The following CLASP1 variants were observed in gnomAD, a reference collection of about 807,000 sequenced individuals.
CLASP1 encodes cytoplasmic linker associated protein 1.
Under a neutral mutation model 192.3 loss-of-function variants are expected in CLASP1, and 38 were observed. The ratio of observed to expected loss-of-function variants is 0.20; its 90% CI spans 0.15 to 0.26. The LOEUF is 0.26. Ranked by LOEUF, CLASP1 falls within the 10% of genes least tolerant of loss-of-function variation. CLASP1 has a pLI of 1.00. For missense variants in CLASP1, 1,433 were observed against 1,932.5 expected (o/e 0.74, Z 4.85); for synonymous variants, 691 against 712.8 (o/e 0.97, Z 0.49).
intron 1 of CLASP1, among the ~76,000 whole-genome samples, chr2:121,608,632 G>A (rs1219658110): frequency 2.0e-5 from 3 of 152,142 alleles, no homozygotes; most frequent in African/African-American, 7.2e-5. Context: ...AGTTATGCCA[G>A]TAAGTGTAAG....
In CLASP1 at chr2:121,365,298, C is replaced by G; in HGVS notation, c.3887-14G>C. ...GGTCGATGGGCACTGGTGAAACACA[C>G]CAGACATACGTCACCTCGTGAGGAA... is the stretch of plus-strand genomic sequence containing the variant. On this transcript the variant is annotated splice_polypyrimidine_tract_variant and intron_variant, in intron 35 of 39. Transcript: ENST00000263710. 6.2e-7 allele frequency: 1 copy of G among 1,607,704 alleles called. No homozygotes were observed. Among genetic ancestry groups the G allele is most frequent in the Non-Finnish European group, 8.5e-7 (1 of 1,177,166 alleles).
At chr2:121,350,691 C>T (rs1033902997) in intron 37 of CLASP1, among the ~76,000 whole-genome samples, 2 of 152,146 alleles carry the variant, frequency 1.3e-5, no homozygotes, top group African/African-American at 4.8e-5. Context: ...ACAATGGACA[C>T]GTTTGGGGCC....
intron 19 of CLASP1, among the ~76,000 whole-genome samples, chr2:121,443,975 A>G (rs1051125492): frequency 6.6e-6 from 1 of 152,190 alleles, no homozygotes; most frequent in Non-Finnish European, 1.5e-5. Flanking sequence ...TAAATAATAT[A>G]TGAAAATGAA....
chr2:121,612,242 A>T (rs1488815880), intron 1 of CLASP1, among the ~76,000 whole-genome samples: 1 of 149,468 alleles, frequency 6.7e-6, no homozygotes, highest in Non-Finnish European at 1.5e-5. Flanking sequence ...GAGGAAGAGG[A>T]GCATGAGGAG....
chr2:121,387,671 A>T, intron 31 of CLASP1, 92 bp downstream of exon 32: 2 of 1,278,106 alleles, frequency 1.6e-6, no homozygotes, highest in Non-Finnish European at 2.2e-6. Context: ...GAGGACAAGG[A>T]AACGGGGTAT....
At chr2:121,377,730 T>C (rs1015933956) in intron 33 of CLASP1, 81 bp from the exon 35 acceptor site, 2 of 971,104 alleles carry the variant, frequency 2.1e-6, no homozygotes, top group African/African-American at 3.3e-5. Flanking sequence ...CTTCCCACAA[T>C]TTAAAGAATA....
At chr2:121,615,819 TA>T (rs201112545) in intron 1 of CLASP1, among the ~76,000 whole-genome samples, 1,777 of 151,478 alleles carry the variant, frequency 0.012, 37 homozygotes, top group African/African-American at 0.04. Flanking sequence ...ACAAATAAAT[TA>T]AAAAAAACAA....
exon 36 of CLASP1, chr2:121,365,234 T>G: frequency 6.2e-7 from 1 of 1,613,714 alleles, no homozygotes; most frequent in Non-Finnish European, 8.5e-7. Flanking sequence ...TCATTGTGGT[T>G]GGACAGCTCT....
At chr2:121,587,830 CAA>C (rs111239136) in intron 2 of CLASP1, among the ~76,000 whole-genome samples, 2 of 128,998 alleles carry the variant, frequency 1.6e-5, no homozygotes, top group Admixed American at 8.0e-5. Flanking sequence ...GACTCCATCT[CAA>C]AAAAAAAAAG....
chr2:121,461,150 C>T, exon 11 of CLASP1: 1 of 1,606,642 alleles, frequency 6.2e-7, no homozygotes, highest in Middle Eastern at 1.7e-4. Flanking sequence ...TAATATTTCC[C>T]TAATTTTGTT....
intron 2 of CLASP1, among the ~76,000 whole-genome samples, chr2:121,581,745 CA>C (rs780462944): frequency 8.5e-5 from 13 of 152,234 alleles, no homozygotes; most frequent in African/African-American, 2.9e-4. Flanking sequence ...ATTAGCTGAT[CA>C]GGGTGGCGAA....
At chr2:121,554,200 G>C (rs1182703651) in intron 2 of CLASP1, among the ~76,000 whole-genome samples, 1 of 151,910 alleles carries the variant, frequency 6.6e-6, no homozygotes, top group African/African-American at 2.4e-5. Context: ...GAGCGACAAA[G>C]CAAGACCCTA....
intron 20 of CLASP1, among the ~76,000 whole-genome samples, chr2:121,428,799 T>A (rs1048590191): frequency 1.3e-5 from 2 of 152,202 alleles, no homozygotes; most frequent in Non-Finnish European, 2.9e-5. Context: ...CTGAAACAAC[T>A]ATGACTATAA....
At chr2:121,481,791 C>T (rs1397431051) in intron 8 of CLASP1, among the ~76,000 whole-genome samples, 1 of 152,202 alleles carries the variant, frequency 6.6e-6, no homozygotes, top group Non-Finnish European at 1.5e-5. Context: ...CCATGTGCAT[C>T]TTCCTTCTTC....
At chr2:121,531,263 T>C (rs766329759) in intron 2 of CLASP1, among the ~76,000 whole-genome samples, 5 of 152,186 alleles carry the variant, frequency 3.3e-5, no homozygotes, top group Admixed American at 1.3e-4. Context: ...CAAGTTTCAA[T>C]AGGAGACGAA....
At chr2:121,379,254 G>GTT (rs1364124052) in intron 33 of CLASP1, among the ~76,000 whole-genome samples, 1 of 151,432 alleles carries the variant, frequency 6.6e-6, no homozygotes, top group East Asian at 1.9e-4. Flanking sequence ...ATTGACTTGA[G>GTT]CATCAAACAA....
chr2:121,627,611 G>A (rs1360586622), intron 1 of CLASP1, among the ~76,000 whole-genome samples: 3 of 152,222 alleles, frequency 2.0e-5, no homozygotes, highest in Non-Finnish European at 4.4e-5. Flanking sequence ...GAGAATGCAG[G>A]CTTTGCTTAT....
At chr2:121,375,670 T>C (rs2069931417) in intron 34 of CLASP1, among the ~76,000 whole-genome samples, 1 of 152,160 alleles carries the variant, frequency 6.6e-6, no homozygotes, top group Admixed American at 6.5e-5. Flanking sequence ...CTGGTAGTTC[T>C]TTATAGCAGT....
chr2:121,500,389 AAAGAAAGAAAAG>A (rs1384221966), intron 8 of CLASP1, among the ~76,000 whole-genome samples: 58 of 143,270 alleles, frequency 4.0e-4, no homozygotes, highest in Middle Eastern at 3.6e-3. Context: ...AGAAAGAAAG[AAAGAAAGAAAAG>A]AAAGAAAGAA....
Sources: gnomAD v4.1 joint callset for allele counts (sites outside exome capture counted in the v4.1 genomes callset) on GRCh38, gnomAD v4.1.1 for gene constraint, MANE v1.5 for transcripts, NCBI Gene and HGNC (gene_info 2026-07-23, HGNC 2026-07-21) for gene names.